The following KIF26B variants were observed in gnomAD, a reference collection of about 807,000 sequenced individuals.
KIF26B encodes kinesin-like protein KIF26B.
KIF26B carries 63 observed loss-of-function variants against 151.2 expected under a neutral mutation model. That is an observed-to-expected ratio of 0.42 (90% CI 0.34 to 0.51). The LOEUF is 0.51. KIF26B is among the 20% of genes least tolerant of loss of function. The probability of loss-of-function intolerance (pLI) is 0.07; values close to 1 mark genes in which losing one functional copy is unlikely to be tolerated. For missense variants in KIF26B, 2,813 were observed against 2,913.6 expected, an observed-to-expected ratio of 0.97 and a Z score of 0.79; for synonymous variants, 1,357 against 1,262.1, an observed-to-expected ratio of 1.08 and a Z score of -1.59.
chr1:245,646,089 C>T, intron 9 of KIF26B, 32 bp from the exon 10 acceptor site: 2 of 1,606,788 alleles, frequency 1.2e-6, no homozygotes, highest in Non-Finnish European at 1.7e-6. Flanking sequence ...CAGAACTTAA[C>T]CATTTCTCTT....
intron 2 of KIF26B, among the ~76,000 whole-genome samples, chr1:245,164,210 C>T (rs1448570345): frequency 1.3e-5 from 2 of 152,114 alleles, no homozygotes; most frequent in Non-Finnish European, 2.9e-5. Flanking sequence ...GAGAATCATG[C>T]AATTTTTCTC....
At chr1:245,403,676 A>C (rs879467906) in intron 3 of KIF26B, among the ~76,000 whole-genome samples, 26 of 152,100 alleles carry the variant, frequency 1.7e-4, no homozygotes, top group Non-Finnish European at 3.7e-4. Flanking sequence ...GGGGAAAAAA[A>C]CCTCTACTAA....
At chr1:245,603,550 C>T (rs1349197738) in intron 6 of KIF26B, among the ~76,000 whole-genome samples, 1 of 152,148 alleles carries the variant, frequency 6.6e-6, no homozygotes, top group African/African-American at 2.4e-5. Flanking sequence ...TCCTATATCA[C>T]ACCATAGGCA....
chr1:245,438,724 C>T (rs78269674), intron 4 of KIF26B, among the ~76,000 whole-genome samples: 3,331 of 152,272 alleles, frequency 0.022, 104 homozygotes, highest in African/African-American at 0.066. Flanking sequence ...AATCCTCAAA[C>T]GATTGCTACA....
intron 4 of KIF26B, among the ~76,000 whole-genome samples, chr1:245,496,159 G>A (rs1660510610): frequency 6.6e-6 from 1 of 152,188 alleles, no homozygotes; most frequent in Non-Finnish European, 1.5e-5. Context: ...AAGTTCAAAT[G>A]TATTAAGAAT....
At chr1:245,509,133 T>G (rs1030043494) in intron 4 of KIF26B, among the ~76,000 whole-genome samples, 1 of 152,150 alleles carries the variant, frequency 6.6e-6, no homozygotes, top group African/African-American at 2.4e-5. Flanking sequence ...TTTCCAGAAT[T>G]TGGGGACATG....
chr1:245,534,269 T>C lies in KIF26B; in HGVS notation c.1167-6498T>C, dbSNP rs375775195. On this transcript the variant is annotated intron_variant, in intron 4 of 14. Coordinates refer to ENST00000407071, the MANE Select transcript of KIF26B (RefSeq NM_018012.4). The stretch of plus-strand genomic sequence containing the variant: ...CCTCTGCCTCCCAGGTTCAAGCAAT[T>C]CTCCTGCCTCAACCTCCTAAATAGC... Among the ~76,000 whole-genome samples the C allele has an allele frequency of 2.0e-5, 3 of 151,968 alleles. No homozygotes were observed. In the East Asian group the frequency reaches 5.8e-4, roughly 29 times the overall value.
chr1:245,364,918 C>T (rs913053307), intron 2 of KIF26B, among the ~76,000 whole-genome samples: 1 of 152,112 alleles, frequency 6.6e-6, no homozygotes, highest in African/African-American at 2.4e-5. Flanking sequence ...CAAATAAATC[C>T]CGTTTGAATG....
intron 2 of KIF26B, among the ~76,000 whole-genome samples, chr1:245,172,839 G>A (rs1573687152): frequency 6.6e-6 from 1 of 152,202 alleles, no homozygotes; most frequent in East Asian, 1.9e-4. Context: ...AAAACAAAGA[G>A]GGTGGCCCAC....
At chr1:245,475,474 G>GA (rs879620996) in intron 4 of KIF26B, among the ~76,000 whole-genome samples, 2 of 151,406 alleles carry the variant, frequency 1.3e-5, no homozygotes, top group Non-Finnish European at 3.0e-5. Flanking sequence ...GGATAGGCGG[G>GA]AAAAAAAATC....
In KIF26B at chr1:245,170,750, A is replaced by G. The variant is rs1668694619; in HGVS notation, c.465+14067A>G. On this transcript the variant is annotated intron_variant, in intron 2 of 14. Transcript: ENST00000407071. The surrounding 1 kb of genome is among the most constrained non-coding windows in gnomAD (Gnocchi z 4.4). The stretch of plus-strand genomic sequence containing the variant: ...TATGAGAGCTCTGCCTTCATGACCC[A>G]GTTTGCTCCCAAAGGCCCACCTCCT... Among the ~76,000 whole-genome samples, 1 of 152,178 alleles carries G rather than the reference A, an allele frequency of 6.6e-6. No homozygotes were observed. The highest frequency in any genetic ancestry group is 1.5e-5 in the Non-Finnish European group (1 of 68,028).
At position 245,642,562 on chromosome 1, in the gene KIF26B, G is replaced by GA. The variant is rs34401122; in HGVS notation, c.2099-3532dup. Reference sequence around the variant, plus strand: ...GGGGACAGAGCGAGACTCCGTCTCAGAAAAAAAAAAAAAAAAAAAAAAAAA... The same window carrying GA: ...GGGGACAGAGCGAGACTCCGTCTCAGAAAAAAAAAAAAAAAAAAAAAAAAAA... On this transcript the variant is annotated intron_variant, in intron 9 of 14. Transcript: ENST00000407071. 8.8e-3 allele frequency among the ~76,000 whole-genome samples: 645 copies of GA among 72,978 alleles called. 26 individuals carry two copies. The highest frequency in any genetic ancestry group is 0.018 in the Middle Eastern group (2 of 110). The allele number at this position is 72,978 out of a possible 152,430, so 47.9% of individuals were successfully genotyped here.
At chr1:245,580,725 C>A (rs556931661) in intron 5 of KIF26B, among the ~76,000 whole-genome samples, 1 of 152,168 alleles carries the variant, frequency 6.6e-6, no homozygotes, top group African/African-American at 2.4e-5. Flanking sequence ...AACAGTCTTT[C>A]GCTTCCTGGA....
intron 2 of KIF26B, among the ~76,000 whole-genome samples, chr1:245,326,801 A>G (rs893363674): frequency 6.6e-6 from 1 of 152,200 alleles, no homozygotes; most frequent in Non-Finnish European, 1.5e-5. Flanking sequence ...GTATTTAGTT[A>G]TAACTGTGAA....
At chr1:245,629,153 G>A (rs560501412) in intron 9 of KIF26B, among the ~76,000 whole-genome samples, 3 of 152,264 alleles carry the variant, frequency 2.0e-5, no homozygotes, top group South Asian at 2.1e-4. Flanking sequence ...AATCAATATC[G>A]TGAAAATGGC....
chr1:245,194,681 T>G (rs1244744959), intron 2 of KIF26B, among the ~76,000 whole-genome samples: 3 of 152,124 alleles, frequency 2.0e-5, no homozygotes, highest in Non-Finnish European at 4.4e-5. Context: ...CCTGGCCTGG[T>G]TTTTACTTTC....
intron 2 of KIF26B, among the ~76,000 whole-genome samples, chr1:245,175,408 T>C (rs1668786770): frequency 6.6e-6 from 1 of 152,014 alleles, no homozygotes; most frequent in Non-Finnish European, 1.5e-5. Context: ...GCTGTGAACG[T>C]GATCATGATG....
In KIF26B at chr1:245,375,415, A is replaced by G. The variant is rs1421253529; in HGVS notation, c.999+8048A>G. On this transcript the variant is annotated intron_variant, in intron 3 of 14. Transcript: ENST00000407071. This position sits in a 1 kb window ranked among gnomAD's most constrained non-coding sequence, Gnocchi z 4.2. ...TAGACTATCTGGGTGGACTCAATGT[A>G]ATTACAAGGATCCTTAAAGAGGAAG... is the stretch of plus-strand genomic sequence containing the variant. Among the ~76,000 whole-genome samples, 1 of 152,114 alleles carries G rather than the reference A, an allele frequency of 6.6e-6. No homozygotes were observed. The highest frequency in any genetic ancestry group is 2.4e-5 in the African/African-American group (1 of 41,426).
intron 5 of KIF26B, among the ~76,000 whole-genome samples, chr1:245,594,690 T>G (rs1300258552): frequency 6.6e-6 from 1 of 152,218 alleles, no homozygotes; most frequent in African/African-American, 2.4e-5. Context: ...AGTAGTTTTT[T>G]CTAATTCTAT....
Sources: gnomAD v4.1 joint callset for allele counts (sites outside exome capture counted in the v4.1 genomes callset) on GRCh38, gnomAD v4.1.1 for gene constraint, Gnocchi (gnomAD v3.1) non-coding constraint, MANE v1.5 for transcripts, NCBI Gene and HGNC (gene_info 2026-07-23, HGNC 2026-07-21) for gene names.